The following RNF220 variants were observed in gnomAD, a reference collection of about 807,000 sequenced individuals.
The protein encoded by RNF220 is E3 ubiquitin-protein ligase RNF220.
Under a neutral mutation model 67.1 loss-of-function variants are expected in RNF220, and 7 were observed. That is an observed-to-expected ratio of 0.10 (90% CI 0.06 to 0.20). The LOEUF (loss-of-function observed/expected upper bound fraction) is 0.20, where lower values mean the gene tolerates loss of function less well. RNF220 is among the 10% of genes least tolerant of loss of function. RNF220 has a pLI of 1.00. For synonymous variants in RNF220, 270 were observed against 283.2 expected, an observed-to-expected ratio of 0.95 and a Z score of 0.47; for missense variants, 565 against 740.3, an observed-to-expected ratio of 0.76 and a Z score of 2.75.
intron 8 of RNF220, among the ~76,000 whole-genome samples, chr1:44,640,904 C>G (rs1320484988): frequency 6.6e-6 from 1 of 152,164 alleles, no homozygotes; most frequent in African/African-American, 2.4e-5. Context: ...TCCCTGGGCT[C>G]TGGTTTTGTT....
intron 2 of RNF220, among the ~76,000 whole-genome samples, chr1:44,415,191 C>T (rs892321894): frequency 2.6e-5 from 4 of 151,594 alleles, no homozygotes; most frequent in Admixed American, 6.6e-5. Context: ...CATATGCCGA[C>T]GTGTGTCGGA....
intron 2 of RNF220, among the ~76,000 whole-genome samples, chr1:44,549,493 G>A (rs955954383): frequency 1.3e-4 from 20 of 152,150 alleles, no homozygotes; most frequent in African/African-American, 4.8e-4. Flanking sequence ...TAGAATCCTG[G>A]TGTTTCCAAC....
chr1:44,509,025 C>T (rs534045103), intron 2 of RNF220, among the ~76,000 whole-genome samples: 9 of 152,178 alleles, frequency 5.9e-5, no homozygotes, highest in South Asian at 2.1e-4. Context: ...AGAGATTCCA[C>T]GGTCCTCACT....
chr1:44,635,683 C>A, intron 7 of RNF220, 95 bp downstream of exon 7: 1 of 1,598,110 alleles, frequency 6.3e-7, no homozygotes, highest in East Asian at 2.3e-5. Context: ...GGGCCATCAC[C>A]ACCCACCTTC....
rs570301286 is a variant in RNF220, at chr1:44,427,150, T to G, written c.625+14428T>G. On this transcript the variant is annotated intron_variant, in intron 2 of 14. Transcript: ENST00000361799. ...TCCATTGTACAGATGAAGAAACTGA[T>G]GCACAGTGTTTAAGCAATATGCCCA... 1.8e-4 allele frequency among the ~76,000 whole-genome samples: 27 copies of G among 152,248 alleles called. No individual in the cohort carries two copies. The East Asian group carries it at 4.4e-3, about 25-fold the overall frequency.
At chr1:44,452,479 G>A (rs560933991) in intron 2 of RNF220, among the ~76,000 whole-genome samples, 3 of 152,144 alleles carry the variant, frequency 2.0e-5, no homozygotes, top group East Asian at 1.9e-4. Flanking sequence ...GCTTGAACCC[G>A]GTAGGCAGAG....
intron 1 of RNF220, among the ~76,000 whole-genome samples, chr1:44,406,262 C>T (rs373514784): frequency 6.6e-6 from 1 of 152,160 alleles, no homozygotes; most frequent in Non-Finnish European, 1.5e-5. Flanking sequence ...TGGATGGATC[C>T]TCTGCGGGCA....
At chr1:44,508,891 G>C (rs552211249) in intron 2 of RNF220, among the ~76,000 whole-genome samples, 1 of 152,270 alleles carries the variant, frequency 6.6e-6, no homozygotes, top group Admixed American at 6.5e-5. Flanking sequence ...AGATGGAAAG[G>C]AGTAAGCCCT....
intron 2 of RNF220, among the ~76,000 whole-genome samples, chr1:44,587,609 C>T (rs1048966656): frequency 1.3e-5 from 2 of 152,208 alleles, no homozygotes; most frequent in African/African-American, 2.4e-5. Flanking sequence ...GCCCCGCAGG[C>T]TGCTGTAGTC....
rs1411037139 is a variant in RNF220, at chr1:44,645,763, C to T, written c.1445+275C>T. The stretch of plus-strand genomic sequence containing the variant: ...CCCGCCTGCTGCGGCGGCCTTCGCC[C>T]GGGGAATGTGATGTATGGCCGCCCA... On this transcript the variant is annotated intron_variant, in intron 12 of 14. Coordinates refer to ENST00000361799, the MANE Select transcript of RNF220 (RefSeq NM_018150.4). The surrounding 1 kb of genome is among the most constrained non-coding windows in gnomAD (Gnocchi z 5.0). 1.3e-5 allele frequency among the ~76,000 whole-genome samples: 2 copies of T among 152,234 alleles called. No homozygotes were observed. The highest frequency in any genetic ancestry group is 2.4e-5 in the African/African-American group (1 of 41,466).
chr1:44,638,484 A>C (rs779034801), intron 8 of RNF220: 1 of 152,250 alleles, frequency 6.6e-6, no homozygotes, highest in Non-Finnish European at 1.5e-5. Context: ...TCGTTGTTAG[A>C]TATGAAAGAA....
chr1:44,613,929 T>C lies in RNF220; in HGVS notation c.626-236T>C, dbSNP rs146389647. ...AAAAAAATAGACATCCCATGGGGGATGTGTCCTAATAGATTTCTGAGAGGG... is the reference window on the plus strand; with the variant it reads ...AAAAAAATAGACATCCCATGGGGGACGTGTCCTAATAGATTTCTGAGAGGG... On this transcript the variant is annotated intron_variant, in intron 2 of 14. Transcript: ENST00000361799. 3.9e-5 allele frequency among the ~76,000 whole-genome samples: 6 copies of C among 152,246 alleles called. No individual in the cohort carries two copies. In the East Asian group the frequency reaches 1.2e-3, roughly 29 times the overall value.
chr1:44,460,456 G>C (rs1310571611), intron 2 of RNF220, among the ~76,000 whole-genome samples: 6 of 152,188 alleles, frequency 3.9e-5, no homozygotes, highest in Admixed American at 3.9e-4. Context: ...ATGGGTGTAG[G>C]TAACTATTTC....
At position 44,406,107 on chromosome 1, in the gene RNF220, AC is replaced by A. The variant is rs759257093; in HGVS notation, c.-118+581del. On this transcript the variant is annotated intron_variant, in intron 1 of 14. Transcript: ENST00000361799. ...GAAGGGGCGAGCCGAATGAGAAACT[AC>A]CCCGACAGCCTCCACCCCACACACA... Among the ~76,000 whole-genome samples the A allele has an allele frequency of 1.7e-3, 262 of 151,986 alleles. 3 individuals carry two copies. The highest frequency in any genetic ancestry group is 3.4e-3 in the Middle Eastern group (1 of 292).
At chr1:44,569,203 C>T (rs1476980627) in intron 2 of RNF220, among the ~76,000 whole-genome samples, 1 of 152,162 alleles carries the variant, frequency 6.6e-6, no homozygotes, top group East Asian at 1.9e-4. Flanking sequence ...TGTTTTTAGA[C>T]TAGCCTCTCT....
intron 5 of RNF220, chr1:44,627,121 C>G (rs1328359025): frequency 6.8e-6 from 1 of 146,116 alleles, no homozygotes; most frequent in Admixed American, 7.0e-5. Flanking sequence ...CCGAGGCGGG[C>G]GGATCACGAG....
intron 2 of RNF220, among the ~76,000 whole-genome samples, chr1:44,498,518 G>C (rs1657547218): frequency 6.6e-6 from 1 of 152,068 alleles, no homozygotes; most frequent in Non-Finnish European, 1.5e-5. Flanking sequence ...CCCCCTCCCT[G>C]CCAGATCATA....
intron 2 of RNF220, among the ~76,000 whole-genome samples, chr1:44,424,687 G>A (rs916306177): frequency 1.1e-4 from 16 of 152,118 alleles, no homozygotes; most frequent in Non-Finnish European, 1.6e-4. Context: ...CACCTGTCCC[G>A]GCTCCCCCTC....
At position 44,550,183 on chromosome 1, in the gene RNF220, T is replaced by C. The variant is rs568423211; in HGVS notation, c.626-63982T>C. 8.5e-5 allele frequency among the ~76,000 whole-genome samples: 13 copies of C among 152,314 alleles called. No homozygotes were observed. In the East Asian group the frequency reaches 2.5e-3, roughly 29 times the overall value. ...GAGCCCTCCTGATTCCTGACTGGTG[T>C]CCCTCCACAGTCCCCTTGGCAAAGC... On this transcript the variant is annotated intron_variant, in intron 2 of 14. Coordinates refer to ENST00000361799, the MANE Select transcript of RNF220 (RefSeq NM_018150.4).
Sources: allele counts gnomAD v4.1 joint callset (sites outside exome capture counted in the v4.1 genomes callset), GRCh38; gene constraint gnomAD v4.1.1; non-coding constraint Gnocchi (gnomAD v3.1); transcripts MANE v1.5; gene names NCBI Gene and HGNC (gene_info 2026-07-23, HGNC 2026-07-21).